The following ADAM32 variants were observed in gnomAD, a reference collection of about 807,000 sequenced individuals.
The protein encoded by ADAM32 is ADAM metallopeptidase domain 32.
A neutral mutation model predicts 114.9 loss-of-function variants in ADAM32; 89 were observed. The ratio of observed to expected loss-of-function variants is 0.77; its 90% CI spans 0.65 to 0.92. The LOEUF (loss-of-function observed/expected upper bound fraction) is 0.92. Among genes scored for constraint, ADAM32 ranks in the 40% least tolerant of loss-of-function variants. The probability of loss-of-function intolerance (pLI) is 0.00; values close to 1 mark genes in which losing one functional copy is unlikely to be tolerated. For synonymous variants in ADAM32, 285 were observed against 307.5 expected (o/e 0.93, Z 0.77); for missense variants, 870 against 932.8 (o/e 0.93, Z 0.88).
At chr8:39,254,650 G>A in intron 18 of ADAM32, 134 bp downstream of exon 18, 1 of 601,864 alleles carries the variant, frequency 1.7e-6, no homozygotes, top group Non-Finnish European at 2.7e-6. Flanking sequence ...ATTCTCTCAA[G>A]GAATGGAAAC....
At chr8:39,271,715 T>C (rs2129451350) in intron 20 of ADAM32, among the ~76,000 whole-genome samples, 2 of 152,132 alleles carry the variant, frequency 1.3e-5, no homozygotes, top group Middle Eastern at 3.4e-3. Context: ...AACAAAAGAA[T>C]TCAGAGACAG....
rs553833358 is a variant in ADAM32 at position 39,135,247 on chromosome 8, C to T, written c.139-1410C>T. ...ATCAGGCTCACTAAGGAGCTAGTGT[C>T]ACCAATGCAAATTTAAAAAGTAGGA... On this transcript the variant is annotated intron_variant, in intron 2 of 24. Transcript: ENST00000379907. Among the ~76,000 whole-genome samples, 8 of 152,332 alleles carry T rather than the reference C, an allele frequency of 5.3e-5. No individual in the cohort carries two copies. The South Asian group carries it at 6.2e-4, about 12-fold the overall frequency.
intron 17 of ADAM32, among the ~76,000 whole-genome samples, chr8:39,249,887 A>T (rs1811175916): frequency 6.6e-6 from 1 of 152,064 alleles, no homozygotes. Flanking sequence ...CAAAGGATTA[A>T]ATATTTCACT....
At chr8:39,147,583 A>G (rs1212724262) in intron 4 of ADAM32, among the ~76,000 whole-genome samples, 2 of 151,952 alleles carry the variant, frequency 1.3e-5, no homozygotes, top group African/African-American at 2.4e-5. Flanking sequence ...TTATTTATAC[A>G]TCCATAAATC....
At chr8:39,195,725 A>G (rs1010070734) in intron 11 of ADAM32, among the ~76,000 whole-genome samples, 1 of 151,960 alleles carries the variant, frequency 6.6e-6, no homozygotes, top group Non-Finnish European at 1.5e-5. Flanking sequence ...AGATGGGTTT[A>G]TTTCTTGGCT....
At chr8:39,213,002 C>G (rs185516282) in intron 12 of ADAM32, among the ~76,000 whole-genome samples, 1 of 152,044 alleles carries the variant, frequency 6.6e-6, no homozygotes, top group Admixed American at 6.5e-5. Flanking sequence ...TGAGCATGCT[C>G]TTACTGGCGA....
rs1808053055 is a variant in ADAM32 at position 39,209,251 on chromosome 8, C to A, written c.1053-1893C>A. 7.2e-5 allele frequency among the ~76,000 whole-genome samples: 11 copies of A among 152,138 alleles called. No homozygotes were observed. The South Asian group carries it at 2.3e-3, about 32-fold the overall frequency. ...GTGAATTCTTCCTTTTGTTTGATCA[C>A]TTCTGCTTTCGAGACCCTCTAATAC... is the stretch of plus-strand genomic sequence containing the variant. On this transcript the variant is annotated intron_variant, in intron 11 of 24. Transcript: ENST00000379907.
chr8:39,125,307 G>A (rs887720030), intron 2 of ADAM32, among the ~76,000 whole-genome samples: 1 of 151,932 alleles, frequency 6.6e-6, no homozygotes, highest in Non-Finnish European at 1.5e-5. Context: ...GACTTTGTTG[G>A]GATTGTCACT....
intron 2 of ADAM32, among the ~76,000 whole-genome samples, chr8:39,122,133 A>G (rs1335388792): frequency 1.3e-5 from 2 of 152,166 alleles, no homozygotes; most frequent in Admixed American, 1.3e-4. Flanking sequence ...ACCATACCTG[A>G]TTTAAGTGAC....
chr8:39,186,334 T>C (rs1293214366), intron 10 of ADAM32, among the ~76,000 whole-genome samples: 1 of 152,250 alleles, frequency 6.6e-6, no homozygotes, highest in Non-Finnish European at 1.5e-5. Context: ...CAATGCCCCA[T>C]TTCTTTTTCG....
intron 5 of ADAM32, 112 bp from the exon 6 acceptor site, chr8:39,151,265 G>GA (rs879485252): frequency 2.1e-6 from 2 of 951,312 alleles, no homozygotes; most frequent in Admixed American, 3.6e-5. Flanking sequence ...ACAGAATTCA[G>GA]AAAAAAATAC....
chr8:39,140,404 T>C (rs1803075488), intron 3 of ADAM32, among the ~76,000 whole-genome samples: 1 of 152,200 alleles, frequency 6.6e-6, no homozygotes, highest in Admixed American at 6.5e-5. Flanking sequence ...CTGCATCTAT[T>C]GAGATCATCG....
intron 24 of ADAM32, 81 bp downstream of exon 24, chr8:39,283,705 A>T: frequency 8.7e-7 from 1 of 1,145,692 alleles, no homozygotes; most frequent in Non-Finnish European, 1.3e-6. Flanking sequence ...ATTAATTCCT[A>T]AGTATGGACT....
intron 16 of ADAM32, among the ~76,000 whole-genome samples, chr8:39,243,659 C>G (rs1458918897): frequency 6.6e-6 from 1 of 152,128 alleles, no homozygotes; most frequent in Non-Finnish European, 1.5e-5. Flanking sequence ...TATGCCAAAG[C>G]CGCAGACAAC....
At chr8:39,257,159 T>G (rs770306600) in intron 18 of ADAM32, 28 bp from the exon 19 acceptor site, 12 of 1,103,668 alleles carry the variant, frequency 1.1e-5, no homozygotes, top group Middle Eastern at 2.2e-4. Flanking sequence ...ATTTTTTTGT[T>G]TTTTTTTTTT....
At chr8:39,141,789 G>T (rs1803171118) in intron 3 of ADAM32, among the ~76,000 whole-genome samples, 1 of 152,116 alleles carries the variant, frequency 6.6e-6, no homozygotes. Flanking sequence ...TGACAGTGGG[G>T]TGTTAAAGTC....
intron 2 of ADAM32, among the ~76,000 whole-genome samples, chr8:39,128,028 A>C (rs945531689): frequency 1.3e-5 from 2 of 152,000 alleles, no homozygotes; most frequent in Non-Finnish European, 2.9e-5. Context: ...GTAGATATCT[A>C]TCAGGTCTGC....
chr8:39,203,370 C>G (rs1357147843), intron 11 of ADAM32, among the ~76,000 whole-genome samples: 1 of 152,072 alleles, frequency 6.6e-6, no homozygotes, highest in African/African-American at 2.4e-5. Flanking sequence ...TGAATTGATC[C>G]CTTTACCATT....
At chr8:39,268,349 A>G (rs568214303) in intron 19 of ADAM32, among the ~76,000 whole-genome samples, 3 of 152,248 alleles carry the variant, frequency 2.0e-5, no homozygotes, top group Admixed American at 6.5e-5. Context: ...CATGTTGACA[A>G]TTGTTTCATA....
Sources: gnomAD v4.1 joint callset for allele counts (sites outside exome capture counted in the v4.1 genomes callset) on GRCh38, gnomAD v4.1.1 for gene constraint, MANE v1.5 for transcripts, NCBI Gene and HGNC (gene_info 2026-07-23, HGNC 2026-07-21) for gene names.